The following DPEP1 variants were observed in gnomAD, a reference collection of about 807,000 sequenced individuals.
DPEP1 encodes the protein dipeptidase 1, also known as beta-lactamase.
Under a neutral mutation model 42.3 loss-of-function variants are expected in DPEP1, and 50 were observed. That is an observed-to-expected ratio of 1.18 (90% CI 0.94 to 1.50). The LOEUF (loss-of-function observed/expected upper bound fraction) is 1.50, where lower values mean the gene tolerates loss of function less well. DPEP1 is among the 40% of genes most tolerant of loss of function. The probability of loss-of-function intolerance (pLI) is 0.00; values close to 1 mark genes in which losing one functional copy is unlikely to be tolerated. For synonymous variants in DPEP1, 297 were observed against 234.0 expected (o/e 1.27, Z -2.46); for missense variants, 663 against 553.0 (o/e 1.20, Z -1.99).
downstream of DPEP1, among the ~76,000 whole-genome samples, chr16:89,639,517 TTGCACACACACCCCCACCTC>T (rs2059728581): frequency 1.7e-5 from 1 of 58,074 alleles, no homozygotes; most frequent in Admixed American, 2.0e-4. Context: ...ACCCTCATCC[TTGCACACACACCCCCACCTC>T]TGCACACACA....
intron 1 of DPEP1, among the ~76,000 whole-genome samples, chr16:89,621,536 G>A (rs987767315): frequency 6.6e-6 from 1 of 152,186 alleles, no homozygotes; most frequent in African/African-American, 2.4e-5. Context: ...AGAGAGACAG[G>A]GCCGGGCTCC....
In DPEP1 at chr16:89,636,246, AC is replaced by A; in HGVS notation, c.238-13del. ...AGACCTGGCTGCATCAGCTCCTGGC[AC>A]CCCCTGCGGCCCACAGTTCTGGTCC... On this transcript the variant is annotated splice_polypyrimidine_tract_variant and intron_variant, in intron 3 of 10. Transcript: ENST00000690203. The A allele has an allele frequency of 6.3e-7, 1 of 1,598,814 alleles. No homozygotes were observed. Among genetic ancestry groups the A allele is most frequent in the Non-Finnish European group, 8.5e-7 (1 of 1,174,868 alleles).
chr16:89,635,775 C>A, intron 2 of DPEP1, 133 bp from the exon 3 acceptor site: 4 of 1,253,002 alleles, frequency 3.2e-6, no homozygotes, highest in Non-Finnish European at 3.2e-6. Flanking sequence ...GTCACCCCCG[C>A]GGCCTAGACT....
intron 1 of DPEP1, among the ~76,000 whole-genome samples, chr16:89,627,651 C>CTT (rs1175287086): frequency 1.5e-4 from 8 of 52,862 alleles, no homozygotes; most frequent in Admixed American, 5.0e-4. Context: ...GATATTTCTT[C>CTT]TTTTTTTTTT....
At chr16:89,641,483 A>G (rs1048204289), downstream of DPEP1, among the ~76,000 whole-genome samples, 1 of 152,250 alleles carries the variant, frequency 6.6e-6, no homozygotes, top group Admixed American at 6.5e-5. Context: ...GTCCTAGGTT[A>G]TAATTGTAGA....
At position 89,635,954 on chromosome 16, in the gene DPEP1, C is replaced by G. The variant is rs2059672475; in HGVS notation, c.151C>G (p.Leu51Val). Residue 51 changes from leucine to valine, a missense_variant, in exon 3 of 11, where the codon CTG (leucine) becomes GTG (valine). Leu to Val is a conservative substitution (Grantham distance 32). Coordinates refer to ENST00000690203, the MANE Select transcript of DPEP1 (RefSeq NM_001389466.1). ...WQLLDMFNNR[L>V]QDERANLTTL... ...GCTGCTGGATATGTTCAACAACCGG[C>G]TGCAGGACGAGAGGGCCAACCTGAC... The G allele has an allele frequency of 6.2e-7, 1 of 1,612,062 alleles. No homozygotes were observed. The highest frequency in any genetic ancestry group is 8.5e-7 in the Non-Finnish European group (1 of 1,179,590).
rs573595536 is a variant in DPEP1 at position 89,636,160 on chromosome 16, G to A, written c.238-104G>A. On this transcript the variant is annotated intron_variant, in intron 3 of 10. Transcript: ENST00000690203. ...TCCAGGGTCCCTCGGTGCCCAGGCC[G>A]AGGGAGGGCTTCCCAGCGGGTGGGA... is the stretch of plus-strand genomic sequence containing the variant. 181 of 1,549,784 alleles carry A rather than the reference G, an allele frequency of 1.2e-4. 1 individual carries two copies. The South Asian group carries it at 2.0e-3, about 17-fold the overall frequency.
intron 2 of DPEP1, among the ~76,000 whole-genome samples, chr16:89,633,215 C>T (rs755952850): frequency 7.9e-5 from 12 of 152,288 alleles, no homozygotes; most frequent in East Asian, 3.9e-4. Flanking sequence ...TCAGCAAGTG[C>T]GTCCTGACCA....
At chr16:89,616,806 C>A in intron 1 of DPEP1, 1 of 261,748 alleles carries the variant, frequency 3.8e-6, no homozygotes, top group Non-Finnish European at 7.6e-6. Flanking sequence ...AGGAAGCAGG[C>A]AGAAAGCGGC....
chr16:89,618,689 G>C (rs773367837), intron 1 of DPEP1, among the ~76,000 whole-genome samples: 17 of 152,040 alleles, frequency 1.1e-4, no homozygotes, highest in Non-Finnish European at 2.2e-4. Flanking sequence ...GTAGAGACGA[G>C]GTCTCCTTGT....
chr16:89,624,550 T>G (rs1159803665), intron 1 of DPEP1, among the ~76,000 whole-genome samples: 1 of 151,688 alleles, frequency 6.6e-6, no homozygotes, highest in Non-Finnish European at 1.5e-5. Flanking sequence ...TTTTTTTTGT[T>G]TTGAGAGGGA....
chr16:89,618,232 A>G (rs928005770), intron 1 of DPEP1, among the ~76,000 whole-genome samples: 2 of 152,104 alleles, frequency 1.3e-5, no homozygotes, highest in Non-Finnish European at 2.9e-5. Flanking sequence ...TTGTTTATCC[A>G]TCTTGACAAG....
At chr16:89,620,749 A>C (rs2059437524) in intron 1 of DPEP1, 1 of 150,996 alleles carries the variant, frequency 6.6e-6, no homozygotes, top group South Asian at 2.1e-4. Context: ...GGCTGAGCCG[A>C]GGTACTCGGG....
At position 89,636,883 on chromosome 16, in the gene DPEP1, T is replaced by G. The variant is rs926868807; in HGVS notation, c.539T>G (p.Val180Gly). Residue 180 changes from valine to glycine, a missense_variant, in exon 6 of 11, where the codon GTG becomes GGG. Transcript: ENST00000690203. ...TTCTCCAGGGCTGACAACTGGCTGGTGGACACGGGAGACAGCGAGCCCCAG... is the reference window on the plus strand; with the variant it reads ...TTCTCCAGGGCTGACAACTGGCTGGGGGACACGGGAGACAGCGAGCCCCAG... ...CNTPWADNWLVDTGDSEPQSQ... is the reference protein window; with the variant it reads ...CNTPWADNWLGDTGDSEPQSQ... The G allele has an allele frequency of 5.0e-6, 8 of 1,612,366 alleles. No homozygotes were observed. Among genetic ancestry groups the G allele is most frequent in the Admixed American group, 3.3e-5 (2 of 59,986 alleles).
At chr16:89,614,972 T>A (rs1310550292) in intron 1 of DPEP1, among the ~76,000 whole-genome samples, 1 of 152,082 alleles carries the variant, frequency 6.6e-6, no homozygotes, top group Non-Finnish European at 1.5e-5. Flanking sequence ...GCCAAGCTAT[T>A]TTCATGGTGA....
chr16:89,633,856 C>T (rs1000124588), intron 2 of DPEP1, among the ~76,000 whole-genome samples: 3 of 152,142 alleles, frequency 2.0e-5, no homozygotes, highest in Admixed American at 1.3e-4. Flanking sequence ...CGCACACCCT[C>T]ACAAGGCAGT....
At position 89,637,858 on chromosome 16, in the gene DPEP1, G is replaced by A. The variant is rs369042310; in HGVS notation, c.952G>A (p.Val318Ile). ...CAGGGTCCCTGAGGGGCTGGAGGAC[G>A]TCTCCAAGTATCCAGACCTGATCGC... ...VPRVPEGLED[V>I]SKYPDLIAEL... The change falls in exon 10 of 11, where the codon GTC becomes ATC. Residue 318 changes from valine (V) to isoleucine (I), a missense_variant. Coordinates refer to ENST00000690203, the MANE Select transcript of DPEP1 (RefSeq NM_001389466.1). 27 of 1,612,778 alleles carry A rather than the reference G, an allele frequency of 1.7e-5. No homozygotes were observed. Among genetic ancestry groups the A allele is most frequent in the East Asian group, 4.5e-5 (2 of 44,876 alleles).
At chr16:89,614,722 G>A (rs1338569448) in intron 1 of DPEP1, among the ~76,000 whole-genome samples, 2 of 152,232 alleles carry the variant, frequency 1.3e-5, no homozygotes, top group East Asian at 3.8e-4. Flanking sequence ...GTGAACCCGG[G>A]AGGCGGAGGT....
chr16:89,638,270 G>T lies in DPEP1; in HGVS notation c.*48G>T, dbSNP rs760970321. On this transcript the variant is annotated 3_prime_UTR_variant, in exon 11 of 11. Coordinates refer to ENST00000690203, the MANE Select transcript of DPEP1 (RefSeq NM_001389466.1). ...TTTAGGGTTCCCGGAGCTCCGGGAA[G>T]ACCCGCCCATCCCAGGACTCCAGAT... 6.7e-7 allele frequency: 1 copy of T among 1,493,082 alleles called. No individual in the cohort carries two copies. The highest frequency in any genetic ancestry group is 1.4e-5 in the South Asian group (1 of 72,776). The allele number at this position is 1,493,082 out of a possible 1,614,324, so 92.5% of individuals were successfully genotyped here.
Sources: allele counts gnomAD v4.1 joint callset (sites outside exome capture counted in the v4.1 genomes callset), GRCh38; gene constraint gnomAD v4.1.1; transcripts MANE v1.5; gene names NCBI Gene and HGNC (gene_info 2026-07-23, HGNC 2026-07-21).